INPP5A: variants seen among roughly 807,000 people sequenced by gnomAD.
INPP5A encodes the protein 43 kDa inositol polyphosphate 5-phophatase.
In INPP5A, 14 loss-of-function variants were observed where a neutral mutation model predicts 65.2. The ratio of observed to expected loss-of-function variants is 0.21; its 90% CI spans 0.14 to 0.34. The LOEUF (loss-of-function observed/expected upper bound fraction) is 0.34. Among genes scored for constraint, INPP5A ranks in the 10% least tolerant of loss-of-function variants. INPP5A has a pLI of 1.00. For missense variants in INPP5A, 431 were observed against 545.6 expected, an observed-to-expected ratio of 0.79 and a Z score of 2.09; for synonymous variants, 207 against 208.3, an observed-to-expected ratio of 0.99 and a Z score of 0.05.
chr10:132,708,507 A>T, intron 7 of INPP5A, 142 bp downstream of exon 7: 2 of 821,710 alleles, frequency 2.4e-6, no homozygotes, highest in South Asian at 2.7e-5. Flanking sequence ...CCCACCTGCC[A>T]CTCTGACCCT....
In INPP5A at chr10:132,671,425, C is replaced by T. The variant is rs187206962; in HGVS notation, c.307-18967C>T. On this transcript the variant is annotated intron_variant, in intron 4 of 15. Coordinates refer to ENST00000368594, the MANE Select transcript of INPP5A (RefSeq NM_005539.5). ...ACTCCGCCCTCCCTGCTTCGGACTC[C>T]GCCCTCCCTGCTTCGGACTCGGCCC... Among the ~76,000 whole-genome samples, 69 of 151,376 alleles carry T rather than the reference C, an allele frequency of 4.6e-4. 1 individual carries two copies. In the East Asian group the frequency reaches 0.011, roughly 25 times the overall value.
At chr10:132,604,339 G>T (rs2071816074) in intron 1 of INPP5A, among the ~76,000 whole-genome samples, 1 of 151,188 alleles carries the variant, frequency 6.6e-6, no homozygotes, top group Admixed American at 6.6e-5. Context: ...TGCCATCAGG[G>T]TCCCCTCTCC....
At chr10:132,609,325 C>T (rs911171584) in intron 2 of INPP5A, among the ~76,000 whole-genome samples, 3 of 152,212 alleles carry the variant, frequency 2.0e-5, no homozygotes, top group African/African-American at 7.2e-5. Flanking sequence ...GCTGCCGTGC[C>T]ACCCCCATCC....
intron 1 of INPP5A, among the ~76,000 whole-genome samples, chr10:132,582,134 C>T (rs550180511): frequency 1.3e-5 from 2 of 152,218 alleles, no homozygotes; most frequent in African/African-American, 4.8e-5. Context: ...CCACTGCGCC[C>T]GGCCTCATTT....
intron 8 of INPP5A, among the ~76,000 whole-genome samples, chr10:132,714,244 C>T (rs1229754044): frequency 6.6e-6 from 1 of 152,174 alleles, no homozygotes; most frequent in Admixed American, 6.5e-5. Flanking sequence ...TCCTGCGGCG[C>T]GCTCAGCCAG....
intron 4 of INPP5A, among the ~76,000 whole-genome samples, chr10:132,654,826 G>GT (rs2072631012): frequency 6.6e-6 from 1 of 152,250 alleles, no homozygotes; most frequent in Non-Finnish European, 1.5e-5. Flanking sequence ...AGCTGCGCCT[G>GT]GCGCGTGAGC....
chr10:132,720,406 G>A (rs534915525), intron 8 of INPP5A, among the ~76,000 whole-genome samples: 36 of 143,076 alleles, frequency 2.5e-4, no homozygotes, highest in East Asian at 1.2e-3. Flanking sequence ...GCTGTCTTGC[G>A]GGTTCTGTGG....
chr10:132,720,629 T>A (rs2134563447), intron 8 of INPP5A, among the ~76,000 whole-genome samples: 1 of 150,274 alleles, frequency 6.7e-6, no homozygotes, highest in East Asian at 2.0e-4. Context: ...GGTACCTGGG[T>A]TCTGTCTGGG....
chr10:132,580,853 T>C (rs556882705), intron 1 of INPP5A, among the ~76,000 whole-genome samples: 1 of 152,382 alleles, frequency 6.6e-6, no homozygotes, highest in African/African-American at 2.4e-5. Flanking sequence ...AATGCTTCTG[T>C]GTGAATATCA....
intron 8 of INPP5A, among the ~76,000 whole-genome samples, chr10:132,713,554 G>C (rs1027001027): frequency 6.6e-6 from 1 of 152,138 alleles, no homozygotes; most frequent in Non-Finnish European, 1.5e-5. Context: ...GGCCCTTGCT[G>C]AGGGCCCTGA....
intron 4 of INPP5A, among the ~76,000 whole-genome samples, chr10:132,665,300 T>C (rs1259838524): frequency 2.0e-5 from 3 of 152,232 alleles, no homozygotes; most frequent in Admixed American, 6.5e-5. Context: ...AAGCCCCCTC[T>C]TAGATTCACA....
At position 132,547,936 on chromosome 10, in the gene INPP5A, A is replaced by G. The variant is rs2071000005; in HGVS notation, c.75+9765A>G. ...TTTTTTTTTTTAAGATGGACACTCCATCACCCAGGCTGGAGTACAATGGCG... is the reference window on the plus strand; with the variant it reads ...TTTTTTTTTTTAAGATGGACACTCCGTCACCCAGGCTGGAGTACAATGGCG... On this transcript the variant is annotated intron_variant, in intron 1 of 15. Coordinates refer to ENST00000368594, the MANE Select transcript of INPP5A (RefSeq NM_005539.5). This position sits in a 1 kb window ranked among gnomAD's most constrained non-coding sequence, Gnocchi z 5.5. Among the ~76,000 whole-genome samples the G allele has an allele frequency of 6.6e-6, 1 of 150,568 alleles. No individual in the cohort carries two copies. Among genetic ancestry groups the G allele is most frequent in the African/African-American group, 2.4e-5 (1 of 40,852 alleles).
In INPP5A at chr10:132,662,669, TC is replaced by T. The variant is rs2072751317; in HGVS notation, c.306+12168del. ...AAGCCCAGGAGGGGAGCACGGTAGA[TC>T]CCCGCACCTTGGCCGAGGTGAGGAT... On this transcript the variant is annotated intron_variant, in intron 4 of 15. Transcript: ENST00000368594. Among the ~76,000 whole-genome samples the T allele has an allele frequency of 2.0e-5, 3 of 152,106 alleles. No homozygotes were observed. The South Asian group carries it at 6.2e-4, about 32-fold the overall frequency.
At chr10:132,648,937 C>T (rs745823014) in intron 3 of INPP5A, among the ~76,000 whole-genome samples, 10 of 152,144 alleles carry the variant, frequency 6.6e-5, no homozygotes, top group Non-Finnish European at 1.0e-4. Context: ...GAAAATTTGT[C>T]CTTGTCCATT....
intron 1 of INPP5A, among the ~76,000 whole-genome samples, chr10:132,582,447 G>T (rs1423723306): frequency 2.0e-5 from 3 of 147,440 alleles, no homozygotes; most frequent in Admixed American, 2.0e-4. Context: ...AAGAGACAGG[G>T]TCTTGCTCTG....
In INPP5A at chr10:132,753,332, C is replaced by G. The variant is rs1841570554; in HGVS notation, c.903+3487C>G. Among the ~76,000 whole-genome samples, 1 of 152,214 alleles carries G rather than the reference C, an allele frequency of 6.6e-6. No individual in the cohort carries two copies. The highest frequency in any genetic ancestry group is 2.1e-4 in the South Asian group (1 of 4,828). On this transcript the variant is annotated intron_variant, in intron 11 of 15. Transcript: ENST00000368594. This position sits in a 1 kb window ranked among gnomAD's most constrained non-coding sequence, Gnocchi z 5.3. ...ACCGCAGCCATGGAGAGCAAACTCT[C>G]CGTCCGCAGGATGGATGTGCCTGCG...
intron 4 of INPP5A, among the ~76,000 whole-genome samples, chr10:132,665,895 A>C (rs1025701726): frequency 1.3e-5 from 2 of 152,068 alleles, no homozygotes; most frequent in Admixed American, 6.5e-5. Context: ...TCTCTACTGA[A>C]AATACAAAAA....
intron 8 of INPP5A, among the ~76,000 whole-genome samples, chr10:132,721,823 C>T (rs952505334): frequency 6.6e-6 from 1 of 152,022 alleles, no homozygotes; most frequent in Non-Finnish European, 1.5e-5. Context: ...TGTCTGGGGG[C>T]GCCTTAGATG....
rs1404158469 is a variant in INPP5A at position 132,674,239 on chromosome 10, C to G, written c.307-16153C>G. Among the ~76,000 whole-genome samples the G allele has an allele frequency of 2.0e-5, 3 of 152,242 alleles. No individual in the cohort carries two copies. Among genetic ancestry groups the G allele is most frequent in the Admixed American group, 1.3e-4 (2 of 15,286 alleles). ...TCACAATTTTCCAATCATGCTTCTT[C>G]CAAGTCCCTGACCATCCAGCCAAAC... is the stretch of plus-strand genomic sequence containing the variant. On this transcript the variant is annotated intron_variant, in intron 4 of 15. Transcript: ENST00000368594. This position sits in a 1 kb window ranked among gnomAD's most constrained non-coding sequence, Gnocchi z 4.4.
Sources: allele counts gnomAD v4.1 joint callset (sites outside exome capture counted in the v4.1 genomes callset), GRCh38; gene constraint gnomAD v4.1.1; non-coding constraint Gnocchi (gnomAD v3.1); transcripts MANE v1.5; gene names NCBI Gene and HGNC (gene_info 2026-07-23, HGNC 2026-07-21).